The following NKIRAS1 variants were observed in gnomAD, a reference collection of about 807,000 sequenced individuals.
The protein encoded by NKIRAS1 is NF-kappa-B inhibitor-interacting Ras-like protein 1.
NKIRAS1 carries 16 observed loss-of-function variants against 19.8 expected under a neutral mutation model. That is an observed-to-expected ratio of 0.81 (90% CI 0.55 to 1.23). NKIRAS1 has a LOEUF of 1.23. NKIRAS1 is among the 50% of genes most tolerant of loss of function. The pLI is 0.00. For synonymous variants in NKIRAS1, 88 were observed against 79.0 expected (o/e 1.11, Z -0.61); for missense variants, 184 against 220.0 (o/e 0.84, Z 1.04).
upstream of NKIRAS1, chr3:23,919,414 G>A: frequency 6.2e-7 from 1 of 1,604,176 alleles, no homozygotes; most frequent in Non-Finnish European, 8.5e-7. Context: ...GCCTTGGAAA[G>A]GGCCACAAGT....
intron 4 of NKIRAS1, among the ~76,000 whole-genome samples, chr3:23,900,365 C>T (rs1412875407): frequency 6.6e-6 from 1 of 151,558 alleles, no homozygotes. Flanking sequence ...CCAGGCAGAG[C>T]GGCTCACACG....
intron 1 of NKIRAS1, among the ~76,000 whole-genome samples, chr3:23,942,072 G>A: frequency 6.6e-6 from 1 of 151,634 alleles, no homozygotes; most frequent in East Asian, 1.9e-4. Flanking sequence ...TCTGCCTCCC[G>A]GGTTCAAGGG....
rs188293835 is a variant in NKIRAS1, at chr3:23,936,564, T to A, written c.-140+9759A>T. ...ACTGCTTTTTCTTTTTTTTTTCTTT[T>A]GAGACGGAGTCTCCCTCTGTCGCCC... On this transcript the variant is annotated intron_variant, in intron 1 of 4. Coordinates refer to the NKIRAS1 transcript ENST00000421515. Among the ~76,000 whole-genome samples the A allele has an allele frequency of 3.9e-5, 6 of 152,304 alleles. No homozygotes were observed. The East Asian group carries it at 1.2e-3, about 29-fold the overall frequency.
At chr3:23,946,203 A>G (rs1456914247) in intron 1 of NKIRAS1, 4 of 985,238 alleles carry the variant, frequency 4.1e-6, no homozygotes, top group Non-Finnish European at 4.8e-6. Flanking sequence ...GCGTCCCCGA[A>G]GCGGGCGCTG....
chr3:23,945,989 G>C, intron 1 of NKIRAS1: 1 of 555,548 alleles, frequency 1.8e-6, no homozygotes, highest in Non-Finnish European at 2.3e-6. Context: ...TCGGCTCCCT[G>C]ACCCACATTC....
chr3:23,924,861 G>C (rs1705183296), intron 1 of NKIRAS1, among the ~76,000 whole-genome samples: 1 of 152,136 alleles, frequency 6.6e-6, no homozygotes, highest in Non-Finnish European at 1.5e-5. Context: ...ACTAAATGAG[G>C]CAACAGTAAT....
intron 1 of NKIRAS1, among the ~76,000 whole-genome samples, chr3:23,913,468 C>T: frequency 6.6e-6 from 1 of 152,130 alleles, no homozygotes; most frequent in East Asian, 1.9e-4. Flanking sequence ...AATACCACTA[C>T]ATAAAGCAGA....
chr3:23,906,647 T>C (rs1273233550), intron 3 of NKIRAS1, among the ~76,000 whole-genome samples: 2 of 86,990 alleles, frequency 2.3e-5, no homozygotes, highest in Non-Finnish European at 5.3e-5. Context: ...TTCCTTATGA[T>C]TTTTTTTTTT....
chr3:23,903,672 A>C (rs935429115), intron 3 of NKIRAS1, among the ~76,000 whole-genome samples: 2 of 152,232 alleles, frequency 1.3e-5, no homozygotes, highest in African/African-American at 4.8e-5. Context: ...AGTGGTACAA[A>C]AATATTGAGA....
chr3:23,918,421 C>T (rs762996683), upstream of NKIRAS1: 140 of 1,608,100 alleles, frequency 8.7e-5, 1 homozygote, highest in Non-Finnish European at 1.1e-4. Context: ...TCACTAATTT[C>T]GTGTGTGTTT....
chr3:23,899,472 T>G (rs1472450758), intron 4 of NKIRAS1, among the ~76,000 whole-genome samples: 1 of 151,986 alleles, frequency 6.6e-6, no homozygotes, highest in African/African-American at 2.4e-5. Context: ...TTGTTTTTTG[T>G]TTTTTTTCTA....
chr3:23,897,660 C>T (rs1702115184), intron 4 of NKIRAS1, among the ~76,000 whole-genome samples: 1 of 152,190 alleles, frequency 6.6e-6, no homozygotes, highest in South Asian at 2.1e-4. Flanking sequence ...ATTCCCTCCA[C>T]CTGGAGCACT....
intron 4 of NKIRAS1, among the ~76,000 whole-genome samples, chr3:23,896,990 G>T (rs1702057115): frequency 6.6e-6 from 1 of 152,120 alleles, no homozygotes; most frequent in Non-Finnish European, 1.5e-5. Context: ...AGGATCACTT[G>T]AAGCCAGGAG....
intron 3 of NKIRAS1, among the ~76,000 whole-genome samples, chr3:23,905,461 C>T (rs112200587): frequency 6.6e-6 from 1 of 152,030 alleles, no homozygotes; most frequent in East Asian, 1.9e-4. Flanking sequence ...AGTTCCATAC[C>T]CATCAAAATT....
chr3:23,940,310 G>A, intron 1 of NKIRAS1, among the ~76,000 whole-genome samples: 1 of 151,498 alleles, frequency 6.6e-6, no homozygotes, highest in East Asian at 1.9e-4. Flanking sequence ...TTGCACCACT[G>A]TACTGCAGCT....
intron 1 of NKIRAS1, among the ~76,000 whole-genome samples, chr3:23,942,001 CAGAGTCTCACTCTGTTGCCT>C (rs1559517799): frequency 6.6e-6 from 1 of 150,546 alleles, no homozygotes; most frequent in African/African-American, 2.5e-5. Context: ...ATTTTTGAGA[CAGAGTCTCACTCTGTTGCCT>C]AGGCTGGAGT....
intron 1 of NKIRAS1, chr3:23,945,647 C>G (rs970796667): frequency 3.2e-5 from 36 of 1,134,284 alleles, no homozygotes; most frequent in Non-Finnish European, 3.9e-5. Context: ...CGCTCAGAGC[C>G]CGCGGGGCAC....
intron 4 of NKIRAS1, among the ~76,000 whole-genome samples, chr3:23,894,564 C>G (rs907529926): frequency 2.0e-5 from 3 of 152,212 alleles, no homozygotes; most frequent in African/African-American, 7.2e-5. Flanking sequence ...CTCCTCCCAA[C>G]TGCAGAAACT....
At chr3:23,898,171 A>G (rs1189577485) in intron 4 of NKIRAS1, among the ~76,000 whole-genome samples, 3 of 152,184 alleles carry the variant, frequency 2.0e-5, no homozygotes, top group Non-Finnish European at 4.4e-5. Flanking sequence ...GATGGGAAAT[A>G]CGGGGGAGAG....
Sources: allele counts gnomAD v4.1 joint callset (sites outside exome capture counted in the v4.1 genomes callset), GRCh38; gene constraint gnomAD v4.1.1; transcripts MANE v1.5; gene names NCBI Gene and HGNC (gene_info 2026-07-23, HGNC 2026-07-21).